ZYG11A: variants seen among roughly 807,000 people sequenced by gnomAD.
The protein encoded by ZYG11A is zyg-11 family member A, cell cycle regulator.
A neutral mutation model predicts 77.2 loss-of-function variants in ZYG11A; 62 were observed. That is an observed-to-expected ratio of 0.80 (90% confidence interval 0.65 to 0.99). The LOEUF (loss-of-function observed/expected upper bound fraction) is 0.99. Among genes scored for constraint, ZYG11A ranks in the 50% least tolerant of loss-of-function variants. The probability of loss-of-function intolerance (pLI) is 0.00; values close to 1 mark genes in which losing one functional copy is unlikely to be tolerated. For missense variants in ZYG11A, 828 were observed against 896.8 expected (o/e 0.92, Z 0.98); for synonymous variants, 315 against 324.6 (o/e 0.97, Z 0.32).
chr1:52,887,066 C>T lies in ZYG11A; in HGVS notation c.2104+13C>T, dbSNP rs1320475208. On this transcript the variant is annotated intron_variant, in intron 13 of 13. Coordinates refer to ENST00000371528, the MANE Select transcript of ZYG11A (RefSeq NM_001004339.3). ...TGCAGTAAAAATCGTATGTATTCAACATATATTCAAAACATAATAGTTTTC... is the reference window on the plus strand; with the variant it reads ...TGCAGTAAAAATCGTATGTATTCAATATATATTCAAAACATAATAGTTTTC... 2 of 1,362,346 alleles carry T rather than the reference C, an allele frequency of 1.5e-6. No homozygotes were observed. The highest frequency in any genetic ancestry group is 5.0e-5 in the East Asian group (2 of 39,728). The allele number at this position is 1,362,346 out of a possible 1,614,324, so 84.4% of individuals were successfully genotyped here. A position where few individuals can be genotyped will look rare whatever the true frequency, so the allele number is the denominator to read the frequency against.
chr1:52,877,092 C>T (rs977183070), intron 8 of ZYG11A, among the ~76,000 whole-genome samples: 1 of 152,042 alleles, frequency 6.6e-6, no homozygotes, highest in Non-Finnish European at 1.5e-5. Context: ...TTTTCCTGCC[C>T]CAAACTTTGC....
In ZYG11A at chr1:52,857,478, C is replaced by T. The variant is rs866652369; in HGVS notation, c.737C>T (p.Ser246Leu). Reference sequence around the variant, plus strand: ...CTGAAATGCCTGGCCATGACCAAATCACAAATTCTTGCAGTCATTAGAGAA... The same window carrying T: ...CTGAAATGCCTGGCCATGACCAAATTACAAATTCTTGCAGTCATTAGAGAA... Reference protein sequence around the residue: ...HYLKCLAMTKSQILAVIRELK... With the variant: ...HYLKCLAMTKLQILAVIRELK... The change falls in exon 3 of 14, where the codon TCA becomes TTA. Residue 246 changes from serine (S) to leucine (L), a missense_variant. By Grantham distance (145) the Ser-to-Leu change is moderately radical (BLOSUM62 -2). Coordinates refer to ENST00000371528, the MANE Select transcript of ZYG11A (RefSeq NM_001004339.3). The T allele has an allele frequency of 6.4e-7, 1 of 1,552,256 alleles. No individual in the cohort carries two copies. Among genetic ancestry groups the T allele is most frequent in the Non-Finnish European group, 8.7e-7 (1 of 1,147,124 alleles).
rs980566602 is a variant in ZYG11A, at chr1:52,881,645, C to T, written c.1924C>T (p.Arg642Cys). The change falls in exon 11 of 14, where the codon CGT becomes TGT. Residue 642 changes from arginine to cysteine, a missense_variant. By Grantham distance (180) the Arg-to-Cys change is radical (BLOSUM62 -3). Coordinates refer to ENST00000371528, the MANE Select transcript of ZYG11A (RefSeq NM_001004339.3). ...QLWISRDFQR[R>C]TLLQDLHATI... ...TTGGATATCCCGTGACTTCCAGAGG[C>T]GTACTCTTCTCCAAGATCTGGTACA... 23 of 1,551,188 alleles carry T rather than the reference C, an allele frequency of 1.5e-5. No homozygotes were observed. Among genetic ancestry groups the T allele is most frequent in the South Asian group, 3.6e-5 (3 of 83,828 alleles).
In ZYG11A at chr1:52,860,871, G is replaced by A. The variant is rs1240723750; in HGVS notation, c.1149G>A (p.Lys383=). 7 of 1,548,620 alleles carry A rather than the reference G, an allele frequency of 4.5e-6. No homozygotes were observed. In the East Asian group the frequency reaches 1.5e-4, roughly 32 times the overall value. ...AGGTAACCATGCCTGCTATTTTAAA[G>A]GTAATTGAAGGAAGACAATTTTTAC... is the stretch of plus-strand genomic sequence containing the variant. ...SMEVTMPAIL[K]LVAIGMRNHP... The change falls in exon 4 of 14, where the codon AAG becomes AAA. Residue 383 remains lysine (K), a splice_region_variant and synonymous_variant. Transcript: ENST00000371528.
intron 8 of ZYG11A, among the ~76,000 whole-genome samples, chr1:52,869,345 A>G (rs1264143419): frequency 6.6e-6 from 1 of 150,554 alleles, no homozygotes; most frequent in East Asian, 1.9e-4. Flanking sequence ...CAGCAGATAA[A>G]CAAGTGAACA....
At chr1:52,879,684 G>T (rs1268306764) in intron 10 of ZYG11A, among the ~76,000 whole-genome samples, 1 of 152,074 alleles carries the variant, frequency 6.6e-6, no homozygotes, top group Admixed American at 6.6e-5. Context: ...TTGGATTGAT[G>T]CCTCATATAT....
chr1:52,856,865 C>A, intron 2 of ZYG11A, 133 bp from the exon 3 acceptor site: 1 of 930,282 alleles, frequency 1.1e-6, no homozygotes, highest in Non-Finnish European at 1.6e-6. Flanking sequence ...GAGTTTAGAA[C>A]AATGCTAGCA....
At chr1:52,849,636 G>A (rs986481411) in intron 1 of ZYG11A, among the ~76,000 whole-genome samples, 1 of 150,664 alleles carries the variant, frequency 6.6e-6, no homozygotes, top group Non-Finnish European at 1.5e-5. Context: ...TAAGCGTGCT[G>A]GGATTACAGG....
At position 52,857,445 on chromosome 1, in the gene ZYG11A, T is replaced by C. The variant is rs764954790; in HGVS notation, c.704T>C (p.Met235Thr). Reference protein sequence around the residue: ...TCKDRLKSLTMHYLKCLAMTK... With the variant: ...TCKDRLKSLTTHYLKCLAMTK... ...AAGGATCGATTGAAGTCTCTCACAA[T>C]GCACTATCTGAAATGCCTGGCCATG... is the stretch of plus-strand genomic sequence containing the variant. Residue 235 changes from methionine (M) to threonine (T), a missense_variant, in exon 3 of 14, where the codon ATG (methionine) becomes ACG (threonine). Physicochemically the swap from Met to Thr is moderately conservative, Grantham distance 81. Transcript: ENST00000371528. The C allele has an allele frequency of 4.5e-6, 7 of 1,552,232 alleles. No homozygotes were observed. In the South Asian group the frequency reaches 7.1e-5, roughly 16 times the overall value.
chr1:52,874,496 C>T (rs1016152097), intron 8 of ZYG11A, among the ~76,000 whole-genome samples: 1 of 152,092 alleles, frequency 6.6e-6, no homozygotes, highest in Non-Finnish European at 1.5e-5. Context: ...AAGCGATTCT[C>T]CTGCCATTGC....
chr1:52,862,404 C>T (rs556185282), intron 4 of ZYG11A, among the ~76,000 whole-genome samples: 4 of 150,684 alleles, frequency 2.7e-5, no homozygotes, highest in South Asian at 2.1e-4. Flanking sequence ...CTCCACCTCC[C>T]GGGTTCACAC....
chr1:52,892,082 G>A (rs1162123780), intron 13 of ZYG11A, among the ~76,000 whole-genome samples: 2 of 150,112 alleles, frequency 1.3e-5, no homozygotes, highest in South Asian at 2.1e-4. Context: ...TGTATTTTTA[G>A]TAGAGACGGG....
intron 8 of ZYG11A, 112 bp from the exon 9 acceptor site, chr1:52,877,570 C>A: frequency 2.5e-6 from 2 of 785,366 alleles, no homozygotes; most frequent in Non-Finnish European, 3.9e-6. Context: ...TACTAAGTGG[C>A]AGAACTTGGG....
intron 1 of ZYG11A, 110 bp from the exon 2 acceptor site, chr1:52,854,355 A>G: frequency 1.0e-6 from 1 of 984,362 alleles, no homozygotes; most frequent in Non-Finnish European, 1.4e-6. Flanking sequence ...AGTATGAAGG[A>G]TGTATCTTCA....
chr1:52,886,842 C>A, intron 12 of ZYG11A, 114 bp from the exon 13 acceptor site: 1 of 291,912 alleles, frequency 3.4e-6, no homozygotes, highest in Non-Finnish European at 6.1e-6. Flanking sequence ...CCACCATGCC[C>A]GGCTGTGAAA....
At chr1:52,870,307 G>T (rs1646131832) in intron 8 of ZYG11A, among the ~76,000 whole-genome samples, 1 of 151,478 alleles carries the variant, frequency 6.6e-6, no homozygotes, top group South Asian at 2.1e-4. Context: ...ACAATGGGCG[G>T]CCAGGCAGAG....
At chr1:52,886,452 A>G (rs1378657187) in intron 12 of ZYG11A, among the ~76,000 whole-genome samples, 2 of 152,194 alleles carry the variant, frequency 1.3e-5, no homozygotes. Context: ...CAATTTCTTA[A>G]ATAATAGCTT....
intron 3 of ZYG11A, among the ~76,000 whole-genome samples, 183 bp from the exon 4 acceptor site, chr1:52,860,548 C>T (rs1487653366): frequency 2.6e-5 from 4 of 152,182 alleles, no homozygotes; most frequent in Non-Finnish European, 4.4e-5. Context: ...TCACCTGCCT[C>T]AGCCTCACAA....
At chr1:52,884,872 T>C (rs1280054884) in intron 11 of ZYG11A, among the ~76,000 whole-genome samples, 2 of 152,082 alleles carry the variant, frequency 1.3e-5, no homozygotes, top group African/African-American at 4.8e-5. Flanking sequence ...GTCCGAATCC[T>C]TTGAACCAGT....
Sources: gnomAD v4.1 joint callset for allele counts (sites outside exome capture counted in the v4.1 genomes callset) on GRCh38, gnomAD v4.1.1 for gene constraint, MANE v1.5 for transcripts, NCBI Gene and HGNC (gene_info 2026-07-23, HGNC 2026-07-21) for gene names.